The following GK variants were observed in gnomAD, a reference collection of about 807,000 sequenced individuals.
GK encodes ATP:glycerol 3-phosphotransferase.
GK carries 9 observed loss-of-function variants against 56.4 expected under a neutral mutation model. The observed-to-expected ratio is 0.16, with a 90% CI of 0.10 to 0.28. The LOEUF is 0.28. Ranked by LOEUF, GK falls within the 10% of genes least tolerant of loss-of-function variation. The pLI is 1.00. For synonymous variants in GK, 104 were observed against 144.1 expected (o/e 0.72, Z 1.99); for missense variants, 161 against 431.4 (o/e 0.37, Z 5.55).
At chrX:30,686,635 ATTTATTCC>A (rs1934631578) in intron 4 of GK, among the ~76,000 whole-genome samples, 1 of 112,069 alleles carries the variant, frequency 8.9e-6, no homozygotes, top group South Asian at 3.7e-4. Context: ...TTAAAAAATA[ATTTATTCC>A]TCTGTACTGT....
intron 1 of GK, among the ~76,000 whole-genome samples, chrX:30,658,715 G>C (rs1005001548): frequency 1.8e-5 from 2 of 112,578 alleles, no homozygotes; most frequent in African/African-American, 6.5e-5. Flanking sequence ...TCTCAACAGA[G>C]AGCTGCCACC....
At chrX:30,701,588 T>C (rs982199910) in intron 11 of GK, among the ~76,000 whole-genome samples, 5 of 112,089 alleles carry the variant, frequency 4.5e-5, no homozygotes, top group African/African-American at 1.6e-4. Flanking sequence ...TAAGTCTTTC[T>C]CACTAACTGT....
chrX:30,707,363 T>C (rs1001674926), intron 11 of GK, among the ~76,000 whole-genome samples, 193 bp from the exon 12 acceptor site: 1 of 111,176 alleles, frequency 9.0e-6, no homozygotes, highest in African/African-American at 3.3e-5. Flanking sequence ...CTAAGTACAT[T>C]TTCTTCTAGG....
intron 8 of GK, among the ~76,000 whole-genome samples, chrX:30,697,079 A>G (rs1262234558): frequency 8.9e-6 from 1 of 112,892 alleles, no homozygotes; most frequent in African/African-American, 3.2e-5. Flanking sequence ...TATGTTATAT[A>G]TTAGATTCTT....
Position 30,724,714 on chromosome X carries a change from G to GA in GK, c.1582+539dup, listed in dbSNP as rs1288726528. The GA allele has an allele frequency of 9.0e-5, 21 of 234,238 alleles. No individual in the cohort carries two copies. The East Asian group carries it at 2.5e-3, about 28-fold the overall frequency. 19.3% of individuals were successfully genotyped at this position (234,238 alleles called of 1,213,427 possible). A position where few individuals can be genotyped will look rare whatever the true frequency, so the allele number is the denominator to read the frequency against. On this transcript the variant is annotated intron_variant, in intron 19 of 20. Coordinates refer to ENST00000427190, the MANE Select transcript of GK (RefSeq NM_001205019.2). ...AATAGATTGGGAAGTGCTCTTAGCA[G>GA]AAAAAATAGTGGACTATTCTACCTT...
In GK at chrX:30,721,448, C is replaced by T. The variant is rs182555376; in HGVS notation, c.1501+453C>T. 3.9e-3 allele frequency: 439 copies of T among 111,835 alleles called. 4 individuals are homozygous for T. The highest frequency in any genetic ancestry group is 0.015 in the African/African-American group (389 of 26,262). 9.2% of individuals were successfully genotyped at this position (111,835 alleles called of 1,213,427 possible). On this transcript the variant is annotated intron_variant, in intron 18 of 20. Transcript: ENST00000427190. ...CTGGGACAACAGGTGCCCACCACTA[C>T]GCCCGCCTAATTTTTTTTTTTTTTT...
chrX:30,725,227 C>A (rs1046217193), intron 19 of GK, among the ~76,000 whole-genome samples: 3 of 111,657 alleles, frequency 2.7e-5, no homozygotes, highest in Admixed American at 9.5e-5. Context: ...TGAAATAATA[C>A]CTGCCTTCCA....
chrX:30,714,315 G>A, intron 13 of GK, among the ~76,000 whole-genome samples: 1 of 111,857 alleles, frequency 8.9e-6, no homozygotes, highest in Non-Finnish European at 1.9e-5. Flanking sequence ...TCCAGGCACA[G>A]CTTAGCTGGG....
At position 30,730,550 on chromosome X, in the gene GK, T is replaced by C; in HGVS notation, c.*1808T>C. 1 of 112,554 alleles carries C rather than the reference T, an allele frequency of 8.9e-6. No individual in the cohort carries two copies. Among genetic ancestry groups the C allele is most frequent in the Middle Eastern group, 4.6e-3 (1 of 217 alleles). 9.3% of individuals were successfully genotyped at this position (112,554 alleles called of 1,213,427 possible). On this transcript the variant is annotated 3_prime_UTR_variant, in exon 21 of 21. Coordinates refer to ENST00000427190, the MANE Select transcript of GK (RefSeq NM_001205019.2). ...TTGGAAGATTTATAAATGTTTGAAA[T>C]TGTACACATTGATATTTAATGACAA...
chrX:30,694,684 C>A, intron 6 of GK, 147 bp downstream of exon 6: 1 of 491,744 alleles, frequency 2.0e-6, no homozygotes, highest in Non-Finnish European at 3.5e-6. Flanking sequence ...GAGAAGTTTT[C>A]AGCTTCCATT....
At chrX:30,662,473 T>C (rs1932787767) in intron 1 of GK, among the ~76,000 whole-genome samples, 1 of 111,657 alleles carries the variant, frequency 9.0e-6, no homozygotes, top group Admixed American at 9.5e-5. Context: ...CATGGTCTAA[T>C]ACAGCAAATA....
chrX:30,653,813 C>T (rs190666675), intron 1 of GK, among the ~76,000 whole-genome samples, 198 bp downstream of exon 1: 80 of 112,707 alleles, frequency 7.1e-4, no homozygotes, highest in African/African-American at 2.1e-3. Context: ...CTCATGACCC[C>T]CATGGCCGAG....
At chrX:30,700,115 A>C in intron 9 of GK, 1 of 256,212 alleles carries the variant, frequency 3.9e-6, no homozygotes, top group Non-Finnish European at 7.0e-6. Flanking sequence ...TGATGTATTG[A>C]GAGGTTTCAA....
At chrX:30,657,743 A>C (rs767377006) in intron 1 of GK, among the ~76,000 whole-genome samples, 1 of 111,563 alleles carries the variant, frequency 9.0e-6, no homozygotes, top group Admixed American at 9.5e-5. Context: ...GGTCTGTTAT[A>C]CTCTGAAACC....
At chrX:30,662,843 T>C (rs868045206) in intron 1 of GK, among the ~76,000 whole-genome samples, 15 of 36,686 alleles carry the variant, frequency 4.1e-4, no homozygotes, top group African/African-American at 1.1e-3. Context: ...CTTTCTTTCT[T>C]TCTTTCTTTC....
chrX:30,668,486 G>A (rs756488839), intron 3 of GK, among the ~76,000 whole-genome samples: 1 of 111,745 alleles, frequency 8.9e-6, no homozygotes, highest in South Asian at 3.7e-4. Context: ...GGTCAGCCAT[G>A]CCAGTGTCTA....
At chrX:30,655,416 A>G (rs1932188985) in intron 1 of GK, among the ~76,000 whole-genome samples, 2 of 112,119 alleles carry the variant, frequency 1.8e-5, no homozygotes, top group Admixed American at 9.5e-5. Flanking sequence ...AAGGCAGACT[A>G]GAGAGATATC....
chrX:30,655,823 A>G (rs1932226296), intron 1 of GK, among the ~76,000 whole-genome samples: 1 of 111,940 alleles, frequency 8.9e-6, no homozygotes, highest in African/African-American at 3.2e-5. Flanking sequence ...GAAGAACTTG[A>G]TCAACTTCAT....
intron 3 of GK, among the ~76,000 whole-genome samples, chrX:30,670,598 AT>A (rs34172820): frequency 0.023 from 2,411 of 106,116 alleles, 50 homozygotes; most frequent in African/African-American, 0.07. Flanking sequence ...CAGTTGTACT[AT>A]TTTTTTTTTT....
Sources: allele counts gnomAD v4.1 joint callset (sites outside exome capture counted in the v4.1 genomes callset), GRCh38; gene constraint gnomAD v4.1.1; transcripts MANE v1.5; gene names NCBI Gene and HGNC (gene_info 2026-07-23, HGNC 2026-07-21).